The following BNC2 variants were observed in gnomAD, a reference collection of about 807,000 sequenced individuals.
The protein encoded by BNC2 is basonuclin zinc finger protein 2, also known as zinc finger protein basonuclin-2.
Under a neutral mutation model 76.3 loss-of-function variants are expected in BNC2, and 20 were observed. The observed-to-expected ratio is 0.26, with a 90% CI of 0.18 to 0.38. BNC2 has a LOEUF of 0.38. Among genes scored for constraint, BNC2 ranks in the 10% least tolerant of loss-of-function variants. The pLI, the probability that BNC2 is intolerant of heterozygous loss-of-function variation, is 1.00. For missense variants in BNC2, 1,382 were observed against 1,399.8 expected (o/e 0.99, Z 0.20); for synonymous variants, 582 against 514.8 (o/e 1.13, Z -1.77).
At chr9:16,475,474 C>T (rs1211032978) in intron 5 of BNC2, among the ~76,000 whole-genome samples, 2 of 150,070 alleles carry the variant, frequency 1.3e-5, no homozygotes, top group African/African-American at 5.0e-5. Flanking sequence ...ATTAGCATTA[C>T]GCTACAGCTC....
At chr9:16,723,142 T>C (rs1015786535) in intron 3 of BNC2, among the ~76,000 whole-genome samples, 1 of 152,142 alleles carries the variant, frequency 6.6e-6, no homozygotes, top group African/African-American at 2.4e-5. Context: ...ACCACAAGTT[T>C]AGTCAATTTA....
chr9:16,452,311 A>G (rs1370734328), intron 5 of BNC2, among the ~76,000 whole-genome samples: 2 of 152,188 alleles, frequency 1.3e-5, no homozygotes, highest in Non-Finnish European at 2.9e-5. Flanking sequence ...AAATCAGCAA[A>G]CTGCAACACT....
intron 1 of BNC2, among the ~76,000 whole-genome samples, chr9:16,859,983 A>T (rs1189814343): frequency 1.3e-5 from 2 of 152,114 alleles, no homozygotes; most frequent in Admixed American, 1.3e-4. Context: ...TTAGCCAGTC[A>T]TGGTGCCATG....
At chr9:16,851,625 T>A (rs144477244) in intron 1 of BNC2, among the ~76,000 whole-genome samples, 288 of 152,362 alleles carry the variant, frequency 1.9e-3, no homozygotes, top group African/African-American at 6.6e-3. Context: ...ACTGTAAAAC[T>A]TTTCATAGCA....
At chr9:16,759,010 T>C (rs920351154) in intron 1 of BNC2, among the ~76,000 whole-genome samples, 1 of 152,236 alleles carries the variant, frequency 6.6e-6, no homozygotes, top group Non-Finnish European at 1.5e-5. Flanking sequence ...CTAAGGAAAT[T>C]TGTTCTGATT....
chr9:16,628,538 T>A (rs1204557868), intron 3 of BNC2, among the ~76,000 whole-genome samples: 1 of 152,058 alleles, frequency 6.6e-6, no homozygotes, highest in African/African-American at 2.4e-5. Context: ...TGTATCTAAA[T>A]AAGTGAGGTG....
At chr9:16,437,716 G>C (rs1225880387) in intron 5 of BNC2, among the ~76,000 whole-genome samples, 192 bp from the exon 6 acceptor site, 3 of 152,214 alleles carry the variant, frequency 2.0e-5, no homozygotes, top group African/African-American at 7.2e-5. Context: ...GTAGTAATTA[G>C]AGTCACAGTT....
At chr9:16,613,788 A>T (rs1222435671) in intron 3 of BNC2, among the ~76,000 whole-genome samples, 1 of 152,194 alleles carries the variant, frequency 6.6e-6, no homozygotes, top group African/African-American at 2.4e-5. Context: ...GATTTCCCAG[A>T]AGAAATAGTG....
At chr9:16,695,921 A>G (rs1216019828) in intron 3 of BNC2, among the ~76,000 whole-genome samples, 2 of 151,834 alleles carry the variant, frequency 1.3e-5, no homozygotes, top group Admixed American at 6.6e-5. Context: ...ATTTTTCTAT[A>G]TTTTTCAATG....
At chr9:16,629,749 A>G (rs1587252935) in intron 3 of BNC2, among the ~76,000 whole-genome samples, 1 of 152,216 alleles carries the variant, frequency 6.6e-6, no homozygotes, top group African/African-American at 2.4e-5. Flanking sequence ...TGTCTAAAAA[A>G]AACAGCATAC....
intron 5 of BNC2, among the ~76,000 whole-genome samples, chr9:16,462,339 C>T (rs761087152): frequency 1.3e-5 from 2 of 152,136 alleles, no homozygotes; most frequent in Non-Finnish European, 2.9e-5. Flanking sequence ...GGAGCCATCT[C>T]CTGAGATTCT....
intron 6 of BNC2, among the ~76,000 whole-genome samples, chr9:16,423,567 C>T (rs953475647): frequency 3.3e-5 from 5 of 152,132 alleles, no homozygotes; most frequent in African/African-American, 1.2e-4. Context: ...AGAGGAGGTA[C>T]TTAAAAGTAC....
At chr9:16,447,650 T>G (rs1266688863) in intron 5 of BNC2, among the ~76,000 whole-genome samples, 1 of 152,068 alleles carries the variant, frequency 6.6e-6, no homozygotes, top group Non-Finnish European at 1.5e-5. Flanking sequence ...TTTTGACTCC[T>G]GGTCAATTCA....
At chr9:16,781,184 TAC>T (rs1315761766) in intron 1 of BNC2, among the ~76,000 whole-genome samples, 1 of 151,640 alleles carries the variant, frequency 6.6e-6, no homozygotes, top group African/African-American at 2.4e-5. Flanking sequence ...GTTCAGCTGA[TAC>T]GCTTTTACTT....
chr9:16,633,478 T>C (rs973871784), intron 3 of BNC2, among the ~76,000 whole-genome samples: 1 of 152,248 alleles, frequency 6.6e-6, no homozygotes, highest in Non-Finnish European at 1.5e-5. Context: ...TTTTTAAGCA[T>C]TTCTAACCGT....
chr9:16,601,377 G>A (rs927831673), intron 3 of BNC2, among the ~76,000 whole-genome samples: 10 of 152,136 alleles, frequency 6.6e-5, no homozygotes, highest in African/African-American at 2.4e-4. Context: ...AGAAGAGGCA[G>A]GGAACTGTGC....
chr9:16,844,454 G>A (rs1818912925), intron 1 of BNC2, among the ~76,000 whole-genome samples: 1 of 150,542 alleles, frequency 6.6e-6, no homozygotes, highest in African/African-American at 2.4e-5. Context: ...TTCTAGGGAT[G>A]GGGAGCAAGA....
intron 5 of BNC2, among the ~76,000 whole-genome samples, chr9:16,550,838 T>A (rs747007804): frequency 6.6e-6 from 1 of 152,122 alleles, no homozygotes; most frequent in Non-Finnish European, 1.5e-5. Flanking sequence ...AAGCTAACAG[T>A]TCCATACAAA....
At chr9:16,432,617 C>T (rs1820929447) in intron 6 of BNC2, among the ~76,000 whole-genome samples, 1 of 152,158 alleles carries the variant, frequency 6.6e-6, no homozygotes, top group South Asian at 2.1e-4. Flanking sequence ...ATCCTAGAAA[C>T]CCTATAGCCC....
Sources: allele counts gnomAD v4.1 joint callset (sites outside exome capture counted in the v4.1 genomes callset), GRCh38; gene constraint gnomAD v4.1.1; transcripts MANE v1.5; gene names NCBI Gene and HGNC (gene_info 2026-07-23, HGNC 2026-07-21).